The following GALNT17 variants were observed in gnomAD, a reference collection of about 807,000 sequenced individuals.
The protein encoded by GALNT17 is UDP-GalNAc:polypeptide N-acetylgalactosaminyltransferase-like 3.
In GALNT17, 29 loss-of-function variants were observed where a neutral mutation model predicts 63.7. The ratio of observed to expected loss-of-function variants is 0.46; its 90% CI spans 0.34 to 0.62. GALNT17 has a LOEUF of 0.62. Ranked by LOEUF, GALNT17 falls within the 20% of genes least tolerant of loss-of-function variation. The pLI, the probability that GALNT17 is intolerant of heterozygous loss-of-function variation, is 0.01. For missense variants in GALNT17, 603 were observed against 799.6 expected, an observed-to-expected ratio of 0.75 and a Z score of 2.97; for synonymous variants, 305 against 318.3, an observed-to-expected ratio of 0.96 and a Z score of 0.45.
chr7:71,471,836 A>G (rs1344880079), intron 5 of GALNT17, among the ~76,000 whole-genome samples: 4 of 151,664 alleles, frequency 2.6e-5, no homozygotes. Context: ...TTTGCATTTC[A>G]TGATTGTGTT....
At chr7:71,524,610 A>C (rs1323794911) in intron 5 of GALNT17, among the ~76,000 whole-genome samples, 1 of 152,200 alleles carries the variant, frequency 6.6e-6, no homozygotes, top group Non-Finnish European at 1.5e-5. Flanking sequence ...ATGTTCAAGA[A>C]AGTGAAGTCA....
chr7:71,260,783 T>C (rs1290143602), intron 1 of GALNT17, among the ~76,000 whole-genome samples: 1 of 151,924 alleles, frequency 6.6e-6, no homozygotes, highest in East Asian at 1.9e-4. Flanking sequence ...ATTTTTATTT[T>C]GTAGAGATGG....
chr7:71,192,105 G>T (rs940611938), intron 1 of GALNT17, among the ~76,000 whole-genome samples: 2 of 152,200 alleles, frequency 1.3e-5, no homozygotes, highest in East Asian at 1.9e-4. Context: ...CTTGGAATCT[G>T]ATGTTCGAGG....
rs192515508 is a variant in GALNT17 at position 71,662,356 on chromosome 7, A to G, written c.1081-3055A>G. Among the ~76,000 whole-genome samples, 160 of 129,164 alleles carry G rather than the reference A, an allele frequency of 1.2e-3. 2 individuals carry two copies. Among genetic ancestry groups the G allele is most frequent in the Middle Eastern group, 4.3e-3 (1 of 230 alleles). 84.7% of individuals were successfully genotyped at this position (129,164 alleles called of 152,430 possible). ...TATCTGTCTGTCTGTCTGTCTGTCT[A>G]TCTATCATCTATCTATTTTTATAAT... On this transcript the variant is annotated intron_variant, in intron 6 of 10. Transcript: ENST00000333538.
At chr7:71,208,570 C>A (rs1789317603) in intron 1 of GALNT17, among the ~76,000 whole-genome samples, 1 of 151,416 alleles carries the variant, frequency 6.6e-6, no homozygotes, top group Admixed American at 6.6e-5. Flanking sequence ...CCTGTCTCAG[C>A]CTCCAGGGTA....
intron 5 of GALNT17, among the ~76,000 whole-genome samples, chr7:71,499,793 C>A (rs1310399757): frequency 1.3e-5 from 2 of 152,200 alleles, no homozygotes; most frequent in South Asian, 2.1e-4. Flanking sequence ...TGTCCCCCCA[C>A]AAATCTCATC....
chr7:71,230,294 A>G (rs11975543), intron 1 of GALNT17, among the ~76,000 whole-genome samples: 28,764 of 152,072 alleles, frequency 0.19, 4,943 homozygotes, highest in African/African-American at 0.46. Flanking sequence ...ATAGGGGTTT[A>G]TTTTATATAC....
At chr7:71,408,890 ATGTG>A (rs1377967524) in intron 3 of GALNT17, among the ~76,000 whole-genome samples, 60 of 151,152 alleles carry the variant, frequency 4.0e-4, no homozygotes, top group Non-Finnish European at 5.3e-4. Context: ...GTCTCTGTAT[ATGTG>A]TGTGTGTGTG....
chr7:71,568,414 C>A (rs56230426), intron 5 of GALNT17, among the ~76,000 whole-genome samples: 47,638 of 152,038 alleles, frequency 0.31, 7,602 homozygotes, highest in Admixed American at 0.35. Flanking sequence ...GTTGCAATAA[C>A]AATACTAATT....
intron 5 of GALNT17, among the ~76,000 whole-genome samples, chr7:71,455,027 G>T (rs1048002520): frequency 6.6e-6 from 1 of 152,034 alleles, no homozygotes; most frequent in Non-Finnish European, 1.5e-5. Context: ...AATTAGCCAG[G>T]TGTGGTGGTA....
intron 5 of GALNT17, among the ~76,000 whole-genome samples, chr7:71,541,400 A>G (rs111253804): frequency 0.063 from 9,606 of 151,894 alleles, 356 homozygotes; most frequent in Middle Eastern, 0.13. Context: ...TAAAAATACA[A>G]AAATTAGCCA....
intron 6 of GALNT17, among the ~76,000 whole-genome samples, chr7:71,580,687 G>A (rs1789623426): frequency 6.6e-6 from 1 of 152,166 alleles, no homozygotes; most frequent in Non-Finnish European, 1.5e-5. Flanking sequence ...TGGAGATTGA[G>A]TGTATGCAGG....
At position 71,604,202 on chromosome 7, in the gene GALNT17, T is replaced by C. The variant is rs181065826; in HGVS notation, c.1080+32800T>C. 5.2e-4 allele frequency among the ~76,000 whole-genome samples: 62 copies of C among 120,270 alleles called. No individual in the cohort carries two copies. In the East Asian group the frequency reaches 0.01, roughly 20 times the overall value. The allele number at this position is 120,270 out of a possible 152,430, so 78.9% of individuals were successfully genotyped here. ...TACCAGATACTATGCTTAGTGCATA[T>C]GCCAGGTACTATGTTAAGTGCATAC... On this transcript the variant is annotated intron_variant, in intron 6 of 10. Transcript: ENST00000333538.
At chr7:71,643,104 G>T (rs1328638830) in intron 6 of GALNT17, among the ~76,000 whole-genome samples, 1 of 152,120 alleles carries the variant, frequency 6.6e-6, no homozygotes, top group Non-Finnish European at 1.5e-5. Flanking sequence ...AAGACCTGGG[G>T]TGGTCTCTGG....
At chr7:71,143,291 G>A (rs1326453863) in intron 1 of GALNT17, among the ~76,000 whole-genome samples, 5 of 150,008 alleles carry the variant, frequency 3.3e-5, no homozygotes, top group African/African-American at 7.4e-5. Flanking sequence ...GTGTGGTGGC[G>A]GGCACCCGTC....
At chr7:71,151,882 C>T (rs1788141982) in intron 1 of GALNT17, among the ~76,000 whole-genome samples, 1 of 152,078 alleles carries the variant, frequency 6.6e-6, no homozygotes, top group Admixed American at 6.6e-5. Context: ...TTAGTTTAAG[C>T]ATTAGCAATT....
chr7:71,659,673 C>A (rs934732315), intron 6 of GALNT17, among the ~76,000 whole-genome samples: 1 of 152,216 alleles, frequency 6.6e-6, no homozygotes, highest in Non-Finnish European at 1.5e-5. Context: ...AGCCCAGATT[C>A]AAGGAGAGGG....
intron 8 of GALNT17, among the ~76,000 whole-genome samples, chr7:71,670,714 A>G (rs1049053082): frequency 6.6e-6 from 1 of 152,294 alleles, no homozygotes; most frequent in South Asian, 2.1e-4. Flanking sequence ...CCTTCACCTT[A>G]TGAGAGATTA....
intron 5 of GALNT17, among the ~76,000 whole-genome samples, chr7:71,515,940 T>C (rs1454398118): frequency 6.6e-6 from 1 of 152,158 alleles, no homozygotes; most frequent in East Asian, 1.9e-4. Flanking sequence ...AAGTAGTCAC[T>C]TTCTCGTGAG....
Sources: allele counts gnomAD v4.1 joint callset (sites outside exome capture counted in the v4.1 genomes callset), GRCh38; gene constraint gnomAD v4.1.1; transcripts MANE v1.5; gene names NCBI Gene and HGNC (gene_info 2026-07-23, HGNC 2026-07-21).